GCG: variants seen among roughly 807,000 people sequenced by gnomAD.
The protein encoded by GCG is glucagon, also known as pro-glucagon.
In GCG, 11 loss-of-function variants were observed where a neutral mutation model predicts 22.8. The observed-to-expected ratio is 0.48, with a 90% confidence interval of 0.30 to 0.80. GCG has a LOEUF of 0.80. Among genes scored for constraint, GCG ranks in the 30% least tolerant of loss-of-function variants. GCG has a pLI of 0.06. For synonymous variants in GCG, 89 were observed against 72.4 expected, an observed-to-expected ratio of 1.23 and a Z score of -1.16; for missense variants, 222 against 222.0, an observed-to-expected ratio of 1.00 and a Z score of 0.00.
At chr2:162,144,285 GT>G in intron 4 of GCG, 115 bp from the exon 5 acceptor site, 1 of 824,316 alleles carries the variant, frequency 1.2e-6, no homozygotes, top group Non-Finnish European at 2.0e-6. Flanking sequence ...AAAGGATTCT[GT>G]TTTTAAAGGG....
intron 3 of GCG, among the ~76,000 whole-genome samples, chr2:162,146,004 C>A (rs1350093169): frequency 6.6e-6 from 1 of 152,162 alleles, no homozygotes; most frequent in Non-Finnish European, 1.5e-5. Flanking sequence ...CTATCCACTG[C>A]ACTATGTGAC....
At chr2:162,149,226 G>A in intron 1 of GCG, 39 bp from the exon 2 acceptor site, 2 of 1,170,092 alleles carry the variant, frequency 1.7e-6, no homozygotes, top group African/African-American at 1.5e-5. Context: ...GAGGGGGGCA[G>A]GCAAGGATTT....
chr2:162,151,649 T>C (rs878986603), intron 1 of GCG, among the ~76,000 whole-genome samples: 5 of 152,180 alleles, frequency 3.3e-5, no homozygotes, highest in Admixed American at 1.3e-4. Context: ...GATTTTTTGA[T>C]AGATGTCTGA....
intron 3 of GCG, 103 bp downstream of exon 3, chr2:162,147,250 T>C (rs1030554200): frequency 1.2e-6 from 1 of 837,246 alleles, no homozygotes; most frequent in African/African-American, 1.7e-5. Flanking sequence ...TCAGGGCTTA[T>C]GGGCACTATT....
In GCG at chr2:162,145,566, C is replaced by A. The variant is rs922418188; in HGVS notation, c.366G>T (p.Trp122Cys). The A allele has an allele frequency of 6.2e-7, 1 of 1,610,566 alleles. No homozygotes were observed. The highest frequency in any genetic ancestry group is 8.5e-7 in the Non-Finnish European group (1 of 1,178,266). ...EGQAAKEFIA[W>C]LVKGRGRRDF... ...CTCGCCTTCCTCGGCCTTTCACCAG[C>A]CAAGCAATGAATTCCTTGGCAGCTT... is the stretch of plus-strand genomic sequence containing the variant. Residue 122 changes from tryptophan to cysteine, a missense_variant, in exon 4 of 6, where the codon TGG (tryptophan) becomes TGT (cysteine). Coordinates refer to ENST00000418842, the MANE Select transcript of GCG (RefSeq NM_002054.5).
intron 1 of GCG, among the ~76,000 whole-genome samples, chr2:162,149,458 T>C (rs1336083512): frequency 6.6e-6 from 1 of 152,154 alleles, no homozygotes; most frequent in Non-Finnish European, 1.5e-5. Context: ...GTTTAATAAT[T>C]AGAAGGCTCA....
chr2:162,149,114 G>A lies in GCG; in HGVS notation c.65C>T (p.Ser22Phe). ...VMLVQGSWQR[S>F]LQDTEEKSRS... ...GGATTTCTCCTCTGTGTCTTGAAGG[G>A]AACGTTGCCAGCTGCCTTGTACCAG... The change falls in exon 2 of 6, where the codon TCC becomes TTC. Residue 22 changes from serine (S) to phenylalanine (F), a missense_variant. By Grantham distance (155) the Ser-to-Phe change is radical. Transcript: ENST00000418842. The A allele has an allele frequency of 6.2e-7, 1 of 1,610,854 alleles. No homozygotes were observed. The highest frequency in any genetic ancestry group is 8.5e-7 in the Non-Finnish European group (1 of 1,177,408).
chr2:162,145,622 T>A lies in GCG; in HGVS notation c.310A>T (p.Thr104Ser). 1 of 1,610,754 alleles carries A rather than the reference T, an allele frequency of 6.2e-7. No homozygotes were observed. The highest frequency in any genetic ancestry group is 8.5e-7 in the Non-Finnish European group (1 of 1,177,862). ...TCCAAATAAGAACTTACATCACTGGTAAAGGTCCCTTCAGCATGTCTCTCA... is the reference window on the plus strand; with the variant it reads ...TCCAAATAAGAACTTACATCACTGGAAAAGGTCCCTTCAGCATGTCTCTCA... ...EFERHAEGTF[T>S]SDVSSYLEGQ... The change falls in exon 4 of 6, where the codon ACC (threonine) becomes TCC (serine). Residue 104 changes from threonine to serine, a missense_variant. Coordinates refer to ENST00000418842, the MANE Select transcript of GCG (RefSeq NM_002054.5).
At chr2:162,146,415 C>G (rs972572399) in intron 3 of GCG, among the ~76,000 whole-genome samples, 5 of 152,082 alleles carry the variant, frequency 3.3e-5, no homozygotes, top group African/African-American at 1.2e-4. Flanking sequence ...TCACTGTAGT[C>G]CTTAAGAGGG....
intron 1 of GCG, among the ~76,000 whole-genome samples, chr2:162,151,546 T>G (rs1053898209): frequency 6.6e-6 from 1 of 152,186 alleles, no homozygotes; most frequent in Non-Finnish European, 1.5e-5. Flanking sequence ...TTCACTCAGA[T>G]GCATCCAAAG....
chr2:162,148,766 A>G (rs963624124), intron 2 of GCG, among the ~76,000 whole-genome samples: 1 of 152,130 alleles, frequency 6.6e-6, no homozygotes, highest in Non-Finnish European at 1.5e-5. Context: ...AAGAGAAAAG[A>G]GTTGGTGCGA....
Position 162,144,034 on chromosome 2 carries a change from T to C in GCG, c.529A>G (p.Thr177Ala), listed in dbSNP as rs764971965. 6.2e-6 allele frequency: 10 copies of C among 1,612,832 alleles called. 1 individual carries two copies. The African/African-American group carries it at 8.0e-5, about 13-fold the overall frequency. ...TAACTAAAAAGCAGTCACCTGTCAGTGATTTTGGTCTGAATCAACCAGTTT... is the reference window on the plus strand; with the variant it reads ...TAACTAAAAAGCAGTCACCTGTCAGCGATTTTGGTCTGAATCAACCAGTTT... ...FINWLIQTKI[T>A]DRK Residue 177 changes from threonine to alanine, a missense_variant, in exon 5 of 6, where the codon ACT becomes GCT. Physicochemically the swap from Thr to Ala is moderately conservative, Grantham distance 58. Coordinates refer to ENST00000418842, the MANE Select transcript of GCG (RefSeq NM_002054.5).
intron 3 of GCG, 30 bp from the exon 4 acceptor site, chr2:162,145,707 A>G: frequency 6.2e-7 from 1 of 1,600,648 alleles, no homozygotes; most frequent in East Asian, 2.2e-5. Flanking sequence ...TAAATTGAAG[A>G]TCTGTCTCTT....
chr2:162,144,300 A>G (rs1294141186), intron 4 of GCG, 130 bp from the exon 5 acceptor site: 2 of 715,558 alleles, frequency 2.8e-6, no homozygotes, highest in Non-Finnish European at 4.8e-6. Flanking sequence ...TAAAGGGTGT[A>G]CTGTGAAATA....
chr2:162,145,692 A>G lies in GCG; in HGVS notation c.255-15T>C. 1 of 1,605,650 alleles carries G rather than the reference A, an allele frequency of 6.2e-7. No individual in the cohort carries two copies. The highest frequency in any genetic ancestry group is 2.2e-5 in the East Asian group (1 of 44,682). On this transcript the variant is annotated splice_polypyrimidine_tract_variant and intron_variant, in intron 3 of 5. Coordinates refer to ENST00000418842, the MANE Select transcript of GCG (RefSeq NM_002054.5). ...CAATGTTATTCCTGAAAGAAATGTG[A>G]AAGTTAAATTGAAGATCTGTCTCTT...
At position 162,145,577 on chromosome 2, in the gene GCG, A is replaced by G. The variant is rs1394437135; in HGVS notation, c.355T>C (p.Phe119Leu). 1.2e-6 allele frequency: 2 copies of G among 1,611,676 alleles called. No homozygotes were observed. The highest frequency in any genetic ancestry group is 1.7e-6 in the Non-Finnish European group (2 of 1,178,698). ...CGGCCTTTCACCAGCCAAGCAATGA[A>G]TTCCTTGGCAGCTTGGCCTTCCAAA... ...SYLEGQAAKE[F>L]IAWLVKGRGR... Residue 119 changes from phenylalanine (F) to leucine (L), a missense_variant, in exon 4 of 6, where the codon TTC (phenylalanine) becomes CTC (leucine). By Grantham distance (22) the Phe-to-Leu change is conservative. Transcript: ENST00000418842.
At chr2:162,149,371 A>G (rs1399421308) in intron 1 of GCG, among the ~76,000 whole-genome samples, 184 bp from the exon 2 acceptor site, 1 of 152,146 alleles carries the variant, frequency 6.6e-6, no homozygotes. Context: ...TTATTTCCCC[A>G]GATTTTTTGG....
intron 3 of GCG, among the ~76,000 whole-genome samples, chr2:162,145,906 C>T (rs1686671911): frequency 6.6e-6 from 1 of 152,100 alleles, no homozygotes; most frequent in Non-Finnish European, 1.5e-5. Context: ...CCTCCCTTCC[C>T]AGCATACCCA....
At chr2:162,143,912 C>A in intron 5 of GCG, 115 bp downstream of exon 5, 1 of 798,474 alleles carries the variant, frequency 1.3e-6, no homozygotes, top group Non-Finnish European at 2.1e-6. Flanking sequence ...TAATTATTTC[C>A]TATATAATAA....
Sources: allele counts gnomAD v4.1 joint callset (sites outside exome capture counted in the v4.1 genomes callset), GRCh38; gene constraint gnomAD v4.1.1; transcripts MANE v1.5; gene names NCBI Gene and HGNC (gene_info 2026-07-23, HGNC 2026-07-21).